The following PRR5L variants were observed in gnomAD, a reference collection of about 807,000 sequenced individuals.
PRR5L encodes the protein proline rich 5 like.
Under a neutral mutation model 36.4 loss-of-function variants are expected in PRR5L, and 21 were observed. That is an observed-to-expected ratio of 0.58 (90% CI 0.41 to 0.83). The LOEUF is 0.83. Among genes scored for constraint, PRR5L ranks in the 40% least tolerant of loss-of-function variants. PRR5L has a pLI of 0.00. For synonymous variants in PRR5L, 188 were observed against 197.0 expected (o/e 0.95, Z 0.38); for missense variants, 381 against 473.3 (o/e 0.80, Z 1.81).
At chr11:36,436,938 G>A (rs1858617251) in intron 5 of PRR5L, among the ~76,000 whole-genome samples, 1 of 152,176 alleles carries the variant, frequency 6.6e-6, no homozygotes. Context: ...TTTCTGGATT[G>A]GAGGATGGAA....
chr11:36,451,057 C>G, intron 7 of PRR5L, 152 bp from the exon 8 acceptor site: 1 of 894,390 alleles, frequency 1.1e-6, no homozygotes, highest in Non-Finnish European at 1.8e-6. Context: ...GGCTTCAGGC[C>G]TCAGTTTCCT....
chr11:36,405,304 A>G (rs1441006582), intron 3 of PRR5L, among the ~76,000 whole-genome samples: 1 of 152,244 alleles, frequency 6.6e-6, no homozygotes, highest in Non-Finnish European at 1.5e-5. Flanking sequence ...TTCAAGAAGA[A>G]CTGGAAATTG....
At chr11:36,310,781 A>G (rs1269529192) in intron 1 of PRR5L, among the ~76,000 whole-genome samples, 3 of 152,036 alleles carry the variant, frequency 2.0e-5, no homozygotes, top group East Asian at 1.9e-4. Flanking sequence ...GGCAGATTAC[A>G]AGGTCAGAAG....
intron 4 of PRR5L, among the ~76,000 whole-genome samples, chr11:36,420,060 C>G (rs144666346): frequency 6.6e-6 from 1 of 152,130 alleles, no homozygotes; most frequent in East Asian, 1.9e-4. Flanking sequence ...AATTCACAGA[C>G]GCAAGCTGTT....
chr11:36,322,161 G>C (rs907909435), intron 1 of PRR5L, among the ~76,000 whole-genome samples: 6 of 152,132 alleles, frequency 3.9e-5, no homozygotes, highest in Non-Finnish European at 8.8e-5. Flanking sequence ...TTTCAAAAAT[G>C]TTCTTTGAAA....
chr11:36,336,584 T>G (rs1307492559), intron 1 of PRR5L, among the ~76,000 whole-genome samples: 1 of 151,176 alleles, frequency 6.6e-6, no homozygotes, highest in Non-Finnish European at 1.5e-5. Flanking sequence ...ATGTCAGGGA[T>G]TTTTCTGTGT....
In PRR5L at chr11:36,296,363, G is replaced by A. The variant is rs921104765; in HGVS notation, c.-201G>A. On this transcript the variant is annotated 5_prime_UTR_variant, in exon 1 of 9. Transcript: ENST00000530639. ...GCGCCCGTTGGAACATCCCCTTCTC[G>A]GGAGGCTGGAAGGCCATGGTCATTC... 2.6e-5 allele frequency: 4 copies of A among 152,096 alleles called. No individual in the cohort carries two copies. The highest frequency in any genetic ancestry group is 4.8e-5 in the African/African-American group (2 of 41,380). 9.4% of individuals were successfully genotyped at this position (152,096 alleles called of 1,614,324 possible). A position where few individuals can be genotyped will look rare whatever the true frequency, so the allele number is the denominator to read the frequency against.
At chr11:36,402,083 C>G (rs898362128) in intron 2 of PRR5L, among the ~76,000 whole-genome samples, 1 of 152,196 alleles carries the variant, frequency 6.6e-6, no homozygotes, top group Non-Finnish European at 1.5e-5. Flanking sequence ...TCTAGCCAAC[C>G]TTTTGTGCAC....
intron 5 of PRR5L, among the ~76,000 whole-genome samples, chr11:36,433,781 T>C (rs984864232): frequency 6.6e-6 from 1 of 152,184 alleles, no homozygotes; most frequent in Non-Finnish European, 1.5e-5. Flanking sequence ...TGACCTCAAA[T>C]GATCCACCGC....
In PRR5L at chr11:36,463,584, A is replaced by G. The variant is rs937375179; in HGVS notation, c.*848A>G. 1 of 152,450 alleles carries G rather than the reference A, an allele frequency of 6.6e-6. No homozygotes were observed. The highest frequency in any genetic ancestry group is 6.5e-5 in the Admixed American group (1 of 15,270). The allele number at this position is 152,450 out of a possible 1,614,324, so 9.4% of individuals were successfully genotyped here. ...GGGTATGAGGGGCCAGCTGATACCA[A>G]CCAACTGGCCTGTATCTATCTATCT... On this transcript the variant is annotated 3_prime_UTR_variant, in exon 9 of 9. Coordinates refer to ENST00000530639, the MANE Select transcript of PRR5L (RefSeq NM_001160167.2).
intron 1 of PRR5L, among the ~76,000 whole-genome samples, chr11:36,332,052 C>T (rs1414913885): frequency 2.6e-5 from 4 of 152,102 alleles, no homozygotes; most frequent in African/African-American, 7.2e-5. Flanking sequence ...AAATCATTCA[C>T]CTAAAGCTCT....
In PRR5L at chr11:36,351,589, A is replaced by T. The variant is rs1205932573; in HGVS notation, c.-125-49408A>T. 1.3e-4 allele frequency among the ~76,000 whole-genome samples: 2 copies of T among 14,826 alleles called. 1 individual carries two copies. Among genetic ancestry groups the T allele is most frequent in the Non-Finnish European group, 2.2e-4 (2 of 9,048 alleles). The allele number at this position is 14,826 out of a possible 152,430, so 9.7% of individuals were successfully genotyped here. A position where few individuals can be genotyped will look rare whatever the true frequency, so the allele number is the denominator to read the frequency against. ...TATATATTTATATAAATATATATTT[A>T]TATATTTATATAAATATATATTTAT... On this transcript the variant is annotated intron_variant, in intron 1 of 8. Transcript: ENST00000530639.
intron 3 of PRR5L, among the ~76,000 whole-genome samples, chr11:36,415,673 G>A (rs186880012): frequency 1.3e-5 from 2 of 152,224 alleles, no homozygotes; most frequent in Non-Finnish European, 1.5e-5. Flanking sequence ...GAGCCCGGGA[G>A]GCAGAGGTTG....
chr11:36,342,484 C>T (rs957775331), intron 1 of PRR5L, among the ~76,000 whole-genome samples: 2 of 152,162 alleles, frequency 1.3e-5, no homozygotes, highest in South Asian at 4.1e-4. Context: ...GGTCTACCTC[C>T]AGTAAGACAT....
chr11:36,365,643 C>A (rs1182341342), intron 1 of PRR5L, among the ~76,000 whole-genome samples: 3 of 152,124 alleles, frequency 2.0e-5, no homozygotes, highest in Admixed American at 6.5e-5. Flanking sequence ...ATGGTATTAT[C>A]CCTTCCCCTT....
intron 1 of PRR5L, among the ~76,000 whole-genome samples, chr11:36,339,828 C>G (rs566973729): frequency 6.6e-6 from 1 of 152,340 alleles, no homozygotes; most frequent in East Asian, 1.9e-4. Context: ...CCAGCTACCC[C>G]ACCCCATTAG....
At chr11:36,380,371 C>T (rs200607314) in intron 1 of PRR5L, 7 of 152,032 alleles carry the variant, frequency 4.6e-5, no homozygotes, top group Non-Finnish European at 1.0e-4. Context: ...ACCTCCCTCC[C>T]GATGCCTTCT....
chr11:36,434,009 A>G (rs1404584396), intron 5 of PRR5L, among the ~76,000 whole-genome samples: 1 of 152,236 alleles, frequency 6.6e-6, no homozygotes, highest in East Asian at 1.9e-4. Flanking sequence ...TGAAAAAGAA[A>G]CTGAATAAAA....
At chr11:36,383,194 T>C (rs1180728779) in intron 1 of PRR5L, among the ~76,000 whole-genome samples, 1 of 152,260 alleles carries the variant, frequency 6.6e-6, no homozygotes, top group Admixed American at 6.5e-5. Flanking sequence ...TATAAAGTGC[T>C]GTGCAGATGT....
Sources: gnomAD v4.1 joint callset for allele counts (sites outside exome capture counted in the v4.1 genomes callset) on GRCh38, gnomAD v4.1.1 for gene constraint, MANE v1.5 for transcripts, NCBI Gene and HGNC (gene_info 2026-07-23, HGNC 2026-07-21) for gene names.